CD28: variants seen among roughly 807,000 people sequenced by gnomAD.
CD28 encodes the protein CD28 molecule, also known as T-cell-specific surface glycoprotein CD28.
In CD28, 8 loss-of-function variants were observed where a neutral mutation model predicts 21.4. That is an observed-to-expected ratio of 0.37 (90% CI 0.22 to 0.68). The LOEUF (loss-of-function observed/expected upper bound fraction) is 0.68. Among genes scored for constraint, CD28 ranks in the 30% least tolerant of loss-of-function variants. The pLI is 0.55. For missense variants in CD28, 239 were observed against 272.2 expected (o/e 0.88, Z 0.86); for synonymous variants, 106 against 104.0 (o/e 1.02, Z -0.12).
chr2:203,725,220 G>A (rs1233888053), intron 1 of CD28, among the ~76,000 whole-genome samples: 1 of 151,992 alleles, frequency 6.6e-6, no homozygotes, highest in Non-Finnish European at 1.5e-5. Context: ...AACCCAGAGG[G>A]CGGAGGTTGC....
intron 3 of CD28, 30 bp downstream of exon 3, chr2:203,729,802 CTT>C: frequency 6.2e-7 from 1 of 1,605,898 alleles, no homozygotes; most frequent in Non-Finnish European, 8.5e-7. Flanking sequence ...TTTTATGTAA[CTT>C]TTCCACTGCA....
At chr2:203,710,546 A>AC (rs1391113917) in intron 1 of CD28, among the ~76,000 whole-genome samples, 1 of 152,046 alleles carries the variant, frequency 6.6e-6, no homozygotes, top group Non-Finnish European at 1.5e-5. Flanking sequence ...CTCCTTTTTA[A>AC]CGTCTTATGC....
intron 1 of CD28, among the ~76,000 whole-genome samples, chr2:203,719,092 A>G (rs1693539681): frequency 6.6e-6 from 1 of 152,240 alleles, no homozygotes; most frequent in Admixed American, 6.5e-5. Flanking sequence ...AGATATGAGC[A>G]TGAAATAAAT....
Position 203,737,052 on chromosome 2 carries a change from T to C in CD28, c.*2140T>C, listed in dbSNP as rs557839164. 6.6e-6 allele frequency: 1 copy of C among 152,344 alleles called. No individual in the cohort carries two copies. The highest frequency in any genetic ancestry group is 2.1e-4 in the South Asian group (1 of 4,822). 9.4% of individuals were successfully genotyped at this position (152,344 alleles called of 1,614,324 possible). A position where few individuals can be genotyped will look rare whatever the true frequency, so the allele number is the denominator to read the frequency against. ...TAATATGAGGACCTTTTAACTTCCA[T>C]CATTTTCCTGTTTCTTGAAATAGTT... On this transcript the variant is annotated 3_prime_UTR_variant, in exon 4 of 4. Transcript: ENST00000324106.
At chr2:203,710,755 A>G (rs891070434) in intron 1 of CD28, among the ~76,000 whole-genome samples, 1 of 152,220 alleles carries the variant, frequency 6.6e-6, no homozygotes, top group African/African-American at 2.4e-5. Context: ...TAGTGTAGGC[A>G]TTGATGAGGA....
chr2:203,724,455 C>G (rs1693686167), intron 1 of CD28, among the ~76,000 whole-genome samples: 1 of 152,174 alleles, frequency 6.6e-6, no homozygotes, highest in Non-Finnish European at 1.5e-5. Flanking sequence ...TCCCCCCAGC[C>G]TAGACCAATT....
rs1694115608 is a variant in CD28, at chr2:203,738,806, G to A, written c.*3894G>A. 6.6e-6 allele frequency: 1 copy of A among 151,994 alleles called. No homozygotes were observed. Among genetic ancestry groups the A allele is most frequent in the Non-Finnish European group, 1.5e-5 (1 of 67,990 alleles). 9.4% of individuals were successfully genotyped at this position (151,994 alleles called of 1,614,324 possible). ...CATTAGACATTTTTCTTATTTATTT[G>A]TAGTTTATAAGCTTCATGAGGCAAG... On this transcript the variant is annotated 3_prime_UTR_variant, in exon 4 of 4. Transcript: ENST00000324106.
chr2:203,734,886 C>G lies in CD28; in HGVS notation c.637C>G (p.Arg213Gly), dbSNP rs199777674. The change falls in exon 4 of 4, where the codon CGC becomes GGC. Residue 213 changes from arginine (R) to glycine (G), a missense_variant. Coordinates refer to ENST00000324106, the MANE Select transcript of CD28 (RefSeq NM_006139.4). The part of the protein sequence containing the change: ...RKHYQPYAPP[R>G]DFAAYRS ...GCATTACCAGCCCTATGCCCCACCACGCGACTTCGCAGCCTATCGCTCCTG... is the reference window on the plus strand; with the variant it reads ...GCATTACCAGCCCTATGCCCCACCAGGCGACTTCGCAGCCTATCGCTCCTG... 1 of 1,614,100 alleles carries G rather than the reference C, an allele frequency of 6.2e-7. No individual in the cohort carries two copies. The highest frequency in any genetic ancestry group is 1.3e-5 in the African/African-American group (1 of 74,952).
At chr2:203,707,866 G>A (rs373006472) in intron 1 of CD28, among the ~76,000 whole-genome samples, 1 of 152,152 alleles carries the variant, frequency 6.6e-6, no homozygotes, top group Non-Finnish European at 1.5e-5. Flanking sequence ...TAAATCCAGG[G>A]TTAAATTAAC....
chr2:203,709,959 A>T (rs1693266352), intron 1 of CD28, among the ~76,000 whole-genome samples: 1 of 152,212 alleles, frequency 6.6e-6, no homozygotes, highest in Non-Finnish European at 1.5e-5. Flanking sequence ...GGAAAGCAGG[A>T]AAATAACTGA....
At chr2:203,733,298 G>A (rs1271053069) in intron 3 of CD28, among the ~76,000 whole-genome samples, 1 of 152,140 alleles carries the variant, frequency 6.6e-6, no homozygotes, top group African/African-American at 2.4e-5. Flanking sequence ...AATGTTTTTA[G>A]ACTTCACTAA....
chr2:203,717,453 A>G (rs1693490833), intron 1 of CD28, among the ~76,000 whole-genome samples: 2 of 152,162 alleles, frequency 1.3e-5, no homozygotes, highest in South Asian at 4.1e-4. Context: ...AAGGGTGGTC[A>G]TAATTCTGCT....
At chr2:203,727,168 A>AT (rs1249927082) in intron 2 of CD28, among the ~76,000 whole-genome samples, 179 bp downstream of exon 2, 1 of 152,168 alleles carries the variant, frequency 6.6e-6, no homozygotes, top group Non-Finnish European at 1.5e-5. Context: ...TCAAGGTTAT[A>AT]TTTTGAATAT....
At chr2:203,712,848 C>T (rs1474147118) in intron 1 of CD28, among the ~76,000 whole-genome samples, 1 of 152,146 alleles carries the variant, frequency 6.6e-6, no homozygotes, top group Non-Finnish European at 1.5e-5. Flanking sequence ...TTATAATGTG[C>T]CAGGTAGTGT....
rs151302357 is a variant in CD28 at position 203,709,874 on chromosome 2, G to A, written c.52+3126G>A. Among the ~76,000 whole-genome samples, 154 of 152,308 alleles carry A rather than the reference G, an allele frequency of 1.0e-3. No homozygotes were observed. In the East Asian group the frequency reaches 0.019, roughly 19 times the overall value. On this transcript the variant is annotated intron_variant, in intron 1 of 3. Coordinates refer to ENST00000324106, the MANE Select transcript of CD28 (RefSeq NM_006139.4). Reference sequence around the variant, plus strand: ...TTCTCCAAAACTTGGGCAAAAAACTGTCAAAATGGCCAGTTTGGACAAAGC... The same window carrying A: ...TTCTCCAAAACTTGGGCAAAAAACTATCAAAATGGCCAGTTTGGACAAAGC...
At chr2:203,713,582 C>T (rs1022179396) in intron 1 of CD28, among the ~76,000 whole-genome samples, 13 of 151,930 alleles carry the variant, frequency 8.6e-5, no homozygotes, top group Admixed American at 7.9e-4. Flanking sequence ...TTGGCTGAAA[C>T]GCCACCTGGG....
At chr2:203,732,808 C>T (rs548109646) in intron 3 of CD28, among the ~76,000 whole-genome samples, 12 of 152,284 alleles carry the variant, frequency 7.9e-5, no homozygotes, top group African/African-American at 2.9e-4. Flanking sequence ...CATTTTCATC[C>T]CACTGCTGTG....
Position 203,735,030 on chromosome 2 carries a change from C to A in CD28, c.*118C>A, listed in dbSNP as rs1693995785. ...CCACCTCAGGCCCCTGTTGGGCCACCAATGCCAATTTTTCTCGAGTGACTA... is the reference window on the plus strand; with the variant it reads ...CCACCTCAGGCCCCTGTTGGGCCACAAATGCCAATTTTTCTCGAGTGACTA... On this transcript the variant is annotated 3_prime_UTR_variant, in exon 4 of 4. Transcript: ENST00000324106. 6.5e-6 allele frequency: 8 copies of A among 1,237,698 alleles called. No individual in the cohort carries two copies. The highest frequency in any genetic ancestry group is 1.5e-5 in the African/African-American group (1 of 66,104). The allele number at this position is 1,237,698 out of a possible 1,614,324, so 76.7% of individuals were successfully genotyped here.
intron 1 of CD28, among the ~76,000 whole-genome samples, chr2:203,722,721 T>A (rs1369580245): frequency 1.3e-5 from 2 of 152,194 alleles, no homozygotes; most frequent in African/African-American, 2.4e-5. Flanking sequence ...AGAACTCAAA[T>A]GTCAAGTGAG....
Sources: allele counts gnomAD v4.1 joint callset (sites outside exome capture counted in the v4.1 genomes callset), GRCh38; gene constraint gnomAD v4.1.1; transcripts MANE v1.5; gene names NCBI Gene and HGNC (gene_info 2026-07-23, HGNC 2026-07-21).